The following DAPK1 variants were observed in gnomAD, a reference collection of about 807,000 sequenced individuals.
DAPK1 encodes death-associated protein kinase 1.
A neutral mutation model predicts 144.9 loss-of-function variants in DAPK1; 56 were observed. That is an observed-to-expected ratio of 0.39 (90% CI 0.31 to 0.48). The LOEUF (loss-of-function observed/expected upper bound fraction) is 0.48. Ranked by LOEUF, DAPK1 falls within the 20% of genes least tolerant of loss-of-function variation. The pLI is 0.95. For synonymous variants in DAPK1, 690 were observed against 749.0 expected (o/e 0.92, Z 1.29); for missense variants, 1,454 against 1,875.4 (o/e 0.78, Z 4.15).
At chr9:87,519,916 T>G (rs1460346556) in intron 2 of DAPK1, among the ~76,000 whole-genome samples, 2 of 151,916 alleles carry the variant, frequency 1.3e-5, no homozygotes, top group Non-Finnish European at 2.9e-5. Context: ...ATCCAGACAC[T>G]AGGGACGAGG....
intron 2 of DAPK1, among the ~76,000 whole-genome samples, chr9:87,572,438 A>G (rs930192636): frequency 6.6e-6 from 1 of 152,102 alleles, no homozygotes; most frequent in African/African-American, 2.4e-5. Context: ...AGTAGGCGAT[A>G]TTGTTTGGAT....
chr9:87,681,345 G>C (rs1042978142), intron 19 of DAPK1, 59 bp from the exon 20 acceptor site: 1 of 892,470 alleles, frequency 1.1e-6, no homozygotes, highest in Non-Finnish European at 1.8e-6. Context: ...TAGGAATCTT[G>C]AGAATCATTA....
At chr9:87,597,123 C>T (rs1828345166) in intron 2 of DAPK1, among the ~76,000 whole-genome samples, 1 of 152,220 alleles carries the variant, frequency 6.6e-6, no homozygotes, top group Non-Finnish European at 1.5e-5. Context: ...TCTGAGAACT[C>T]AAGCGGAAGT....
At position 87,706,283 on chromosome 9, in the gene DAPK1, G is replaced by A. The variant is rs760281291; in HGVS notation, c.3212G>A (p.Arg1071His). ...CGCTACACCGTGGAGGACATCCAGC[G>A]CCTGGTGCCCGACAGCGACGTGGAG... is the stretch of plus-strand genomic sequence containing the variant. ...RGRYTVEDIQ[R>H]LVPDSDVEEL... Residue 1071 changes from arginine (R) to histidine (H), a missense_variant, in exon 26 of 26, where the codon CGC (arginine) becomes CAC (histidine). Transcript: ENST00000408954. This position sits in a 1 kb window ranked among gnomAD's most constrained non-coding sequence, Gnocchi z 9.0. 44 of 1,612,780 alleles carry A rather than the reference G, an allele frequency of 2.7e-5. No homozygotes were observed. Among genetic ancestry groups the A allele is most frequent in the Non-Finnish European group, 3.4e-5 (40 of 1,179,384 alleles).
chr9:87,674,514 C>CAA (rs35817698), intron 19 of DAPK1, among the ~76,000 whole-genome samples: 729 of 67,462 alleles, frequency 0.011, 31 homozygotes, highest in African/African-American at 0.026. Context: ...GACTCTGTCT[C>CAA]AAAAAAAAAA....
At chr9:87,640,246 C>T (rs1830048957) in intron 7 of DAPK1, 52 bp from the exon 8 acceptor site, 4 of 1,543,792 alleles carry the variant, frequency 2.6e-6, no homozygotes, top group African/African-American at 1.4e-5. Flanking sequence ...AGCAAAATGA[C>T]AACACCAAGG....
chr9:87,536,774 A>G (rs1825874387), intron 2 of DAPK1, among the ~76,000 whole-genome samples: 1 of 152,080 alleles, frequency 6.6e-6, no homozygotes, highest in Admixed American at 6.6e-5. Flanking sequence ...CTCTTTGAGA[A>G]TATTTTATTC....
intron 2 of DAPK1, among the ~76,000 whole-genome samples, chr9:87,500,575 G>A (rs886257583): frequency 4.6e-5 from 7 of 152,110 alleles, no homozygotes; most frequent in African/African-American, 7.2e-5. Flanking sequence ...ACTAAAATTA[G>A]TTGAGATTAT....
chr9:87,526,232 C>T (rs1400170912), intron 2 of DAPK1, among the ~76,000 whole-genome samples: 1 of 151,950 alleles, frequency 6.6e-6, no homozygotes, highest in Non-Finnish European at 1.5e-5. Context: ...TGAGTTTTAA[C>T]AAATGCATAG....
At position 87,658,314 on chromosome 9, in the gene DAPK1, A is replaced by G. The variant is rs554768925; in HGVS notation, c.1923+187A>G. On this transcript the variant is annotated intron_variant, in intron 18 of 25. Coordinates refer to ENST00000408954, the MANE Select transcript of DAPK1 (RefSeq NM_004938.4). ...ACATGCCCAGCCTAATGTCTCCTTA[A>G]TGTTCGTCCTCTTCTCATCTCACCA... is the stretch of plus-strand genomic sequence containing the variant. Among the ~76,000 whole-genome samples the G allele has an allele frequency of 2.0e-5, 3 of 152,228 alleles. No individual in the cohort carries two copies. In the East Asian group the frequency reaches 5.8e-4, roughly 29 times the overall value.
intron 24 of DAPK1, among the ~76,000 whole-genome samples, chr9:87,702,753 A>G (rs7025760): frequency 0.27 from 41,151 of 152,042 alleles, 6,207 homozygotes; most frequent in East Asian, 0.44. Context: ...CAAAAAACAC[A>G]AACTAGCCAG....
rs995329923 is a variant in DAPK1 at position 87,706,892 on chromosome 9, G to A, written c.3821G>A (p.Gly1274Glu). 1.9e-6 allele frequency: 3 copies of A among 1,613,878 alleles called. No individual in the cohort carries two copies. The highest frequency in any genetic ancestry group is 2.5e-6 in the Non-Finnish European group (3 of 1,180,026). Residue 1274 changes from glycine (G) to glutamate (E), a missense_variant, in exon 26 of 26, where the codon GGG (glycine) becomes GAG (glutamate). This residue lies in a region of DAPK1 where 1,025 missense variants were observed against 1,237.9 expected (regional missense o/e 0.83). Transcript: ENST00000408954. This position sits in a 1 kb window ranked among gnomAD's most constrained non-coding sequence, Gnocchi z 9.0. ...KETSLTNTMGGYKESFSSIMC... is the reference protein window; with the variant it reads ...KETSLTNTMGEYKESFSSIMC... ...ACCTCACTGACCAACACCATGGGGG[G>A]GTACAAGGAAAGCTTCAGCAGCATC...
At position 87,498,048 on chromosome 9, in the gene DAPK1, C is replaced by G. The variant is rs1824243183; in HGVS notation, c.-168C>G. On this transcript the variant is annotated 5_prime_UTR_variant, in exon 1 of 26. Coordinates refer to ENST00000408954, the MANE Select transcript of DAPK1 (RefSeq NM_004938.4). ...CGCCCCGGCTAGTCTCCGGCGCTGG[C>G]GCCTATGGTCGGCCTCCGACAGCGC... is the stretch of plus-strand genomic sequence containing the variant. The G allele has an allele frequency of 5.0e-6, 2 of 397,148 alleles. No individual in the cohort carries two copies. Among genetic ancestry groups the G allele is most frequent in the Non-Finnish European group, 8.9e-6 (2 of 225,380 alleles). The allele number at this position is 397,148 out of a possible 1,614,324, so 24.6% of individuals were successfully genotyped here. A position where few individuals can be genotyped will look rare whatever the true frequency, so the allele number is the denominator to read the frequency against.
In DAPK1 at chr9:87,708,201, T is replaced by C. The variant is rs1303419987; in HGVS notation, c.*837T>C. 4.6e-6 allele frequency: 1 copy of C among 215,572 alleles called. No homozygotes were observed. The highest frequency in any genetic ancestry group is 2.3e-5 in the African/African-American group (1 of 42,918). 13.4% of individuals were successfully genotyped at this position (215,572 alleles called of 1,614,324 possible). A position where few individuals can be genotyped will look rare whatever the true frequency, so the allele number is the denominator to read the frequency against. On this transcript the variant is annotated 3_prime_UTR_variant, in exon 26 of 26. Coordinates refer to ENST00000408954, the MANE Select transcript of DAPK1 (RefSeq NM_004938.4). The stretch of plus-strand genomic sequence containing the variant: ...GAAACCTACACACTGTCATGCTTCA[T>C]CATTCCCTCTCATCTCAGGTAGAAG...
At chr9:87,599,720 A>G (rs112728814) in intron 2 of DAPK1, among the ~76,000 whole-genome samples, 248 of 152,182 alleles carry the variant, frequency 1.6e-3, no homozygotes, top group African/African-American at 3.5e-3. Flanking sequence ...TTTTTTGGGG[A>G]AAAAAAGTTG....
intron 3 of DAPK1, among the ~76,000 whole-genome samples, chr9:87,634,204 A>G (rs963699581): frequency 6.6e-6 from 1 of 152,234 alleles, no homozygotes; most frequent in Non-Finnish European, 1.5e-5. Flanking sequence ...ACAGACTGCA[A>G]GGCTGGCAAA....
chr9:87,661,652 CT>C (rs1052704128), intron 18 of DAPK1, among the ~76,000 whole-genome samples: 2 of 152,148 alleles, frequency 1.3e-5, no homozygotes, highest in African/African-American at 4.8e-5. Context: ...CCTTAGCCCA[CT>C]TTTAAGTGGG....
intron 17 of DAPK1, among the ~76,000 whole-genome samples, chr9:87,654,932 A>G (rs1830581122): frequency 1.3e-5 from 2 of 152,176 alleles, no homozygotes; most frequent in Non-Finnish European, 2.9e-5. Context: ...AAAAATCCAC[A>G]AGACAGTCCC....
intron 2 of DAPK1, among the ~76,000 whole-genome samples, chr9:87,543,977 A>G (rs539050299): frequency 2.6e-5 from 4 of 152,324 alleles, no homozygotes; most frequent in South Asian, 4.1e-4. Context: ...TTGTAAATAT[A>G]TAATCCTCTG....
Sources: allele counts gnomAD v4.1 joint callset (sites outside exome capture counted in the v4.1 genomes callset), GRCh38; gene constraint gnomAD v4.1.1; regional missense constraint gnomAD v4.1.1; non-coding constraint Gnocchi (gnomAD v3.1); transcripts MANE v1.5; gene names NCBI Gene and HGNC (gene_info 2026-07-23, HGNC 2026-07-21).